The following RP1 variants were observed in gnomAD, a reference collection of about 807,000 sequenced individuals.
RP1 encodes oxygen-regulated protein 1.
A neutral mutation model predicts 14.8 loss-of-function variants in RP1; 16 were observed. The observed-to-expected ratio is 1.08, with a 90% CI of 0.73 to 1.65. RP1 has a LOEUF of 1.65. Among genes scored for constraint, RP1 ranks in the 40% most tolerant of loss-of-function variants. RP1 has a pLI of 0.00. For missense variants in RP1, 2,631 were observed against 2,535.0 expected, an observed-to-expected ratio of 1.04 and a Z score of -0.81; for synonymous variants, 876 against 883.6, an observed-to-expected ratio of 0.99 and a Z score of 0.15.
intron 24 of RP1, among the ~76,000 whole-genome samples, chr8:54,824,751 C>T (rs961689918): frequency 3.3e-5 from 5 of 152,086 alleles, no homozygotes; most frequent in Non-Finnish European, 7.4e-5. Flanking sequence ...TACAAGTTTG[C>T]TTAAACATTT....
At chr8:54,798,531 A>C (rs1810627197) in intron 24 of RP1, among the ~76,000 whole-genome samples, 1 of 152,236 alleles carries the variant, frequency 6.6e-6, no homozygotes, top group Non-Finnish European at 1.5e-5. Context: ...CAAAAAATTC[A>C]CAAATTGTGT....
At position 54,629,788 on chromosome 8, in the gene RP1, A is replaced by T. The variant is rs1806198727; in HGVS notation, c.5906A>T (p.Glu1969Val). 6.2e-7 allele frequency: 1 copy of T among 1,611,158 alleles called. No individual in the cohort carries two copies. ...CAGACAGACAAAAATGTGTTCAGGG[A>T]AGAGAACAATAAAGCAAGTATGAGA... is the stretch of plus-strand genomic sequence containing the variant. Reference protein sequence around the residue: ...LLQTDKNVFREENNKASMRQN... With the variant: ...LLQTDKNVFRVENNKASMRQN... The change falls in exon 4 of 4, where the codon GAA becomes GTA. Residue 1969 changes from glutamate to valine, a missense_variant. By Grantham distance (121) the Glu-to-Val change is moderately radical. Coordinates refer to ENST00000220676, the MANE Select transcript of RP1 (RefSeq NM_006269.2).
chr8:54,633,728 TC>T (rs1806293468), downstream of RP1, among the ~76,000 whole-genome samples: 1 of 136,794 alleles, frequency 7.3e-6, no homozygotes, highest in Non-Finnish European at 1.5e-5. Context: ...TCTCTCTCTC[TC>T]TCTCTCTCTA....
At chr8:54,780,052 A>G (rs1260422475) in intron 23 of RP1, among the ~76,000 whole-genome samples, 5 of 152,164 alleles carry the variant, frequency 3.3e-5, no homozygotes, top group African/African-American at 2.4e-5. Flanking sequence ...TAGTGCTGCA[A>G]TTGCAGACAT....
chr8:54,776,694 G>A (rs757117861), intron 23 of RP1, among the ~76,000 whole-genome samples: 4 of 152,166 alleles, frequency 2.6e-5, no homozygotes, highest in Admixed American at 6.5e-5. Flanking sequence ...ACACTGGAAG[G>A]GAATTTGGGA....
intron 1 of RP1, among the ~76,000 whole-genome samples, chr8:54,591,318 T>A (rs1027758153): frequency 2.0e-5 from 3 of 152,192 alleles, no homozygotes; most frequent in Non-Finnish European, 2.9e-5. Flanking sequence ...CTTGTTACTG[T>A]TTTTCAGCCA....
chr8:54,583,335 T>C (rs1208907493), intron 1 of RP1, among the ~76,000 whole-genome samples: 2 of 152,224 alleles, frequency 1.3e-5, no homozygotes, highest in Non-Finnish European at 2.9e-5. Flanking sequence ...CACCCTTGCA[T>C]CCCAGGGATG....
At chr8:54,868,338 T>C (rs889704074) in intron 28 of RP1, among the ~76,000 whole-genome samples, 24 of 152,208 alleles carry the variant, frequency 1.6e-4, no homozygotes, top group Admixed American at 1.4e-3. Flanking sequence ...TGCACACTGG[T>C]GTATCATTGC....
At chr8:54,727,964 G>C (rs1690388190) in intron 17 of RP1, among the ~76,000 whole-genome samples, 1 of 152,124 alleles carries the variant, frequency 6.6e-6, no homozygotes, top group South Asian at 2.1e-4. Flanking sequence ...GCCAAAGACT[G>C]AGAAAATGGA....
chr8:54,626,697 A>G lies in RP1; in HGVS notation c.2815A>G (p.Arg939Gly), dbSNP rs768149179. 3 of 1,613,898 alleles carry G rather than the reference A, an allele frequency of 1.9e-6. No individual in the cohort carries two copies. Among genetic ancestry groups the G allele is most frequent in the African/African-American group, 2.7e-5 (2 of 74,942 alleles). Reference sequence around the variant, plus strand: ...GCCTATAAAATCAGCTCCAGTATGTAGAAATGAAACGAGTGTGGTAAATTG... The same window carrying G: ...GCCTATAAAATCAGCTCCAGTATGTGGAAATGAAACGAGTGTGGTAAATTG... ...LKPIKSAPVCRNETSVVNCSN... is the reference protein window; with the variant it reads ...LKPIKSAPVCGNETSVVNCSN... The change falls in exon 4 of 4, where the codon AGA (arginine) becomes GGA (glycine). Residue 939 changes from arginine (R) to glycine (G), a missense_variant. Arg to Gly is a moderately radical substitution (Grantham distance 125, BLOSUM62 -2). Transcript: ENST00000220676.
Position 54,719,377 on chromosome 8 carries a change from T to A in RP1, c.2212-752T>A, listed in dbSNP as rs527600241. Among the ~76,000 whole-genome samples the A allele has an allele frequency of 1.3e-5, 2 of 152,330 alleles. 1 individual carries two copies. Among genetic ancestry groups the A allele is most frequent in the South Asian group, 4.1e-4 (2 of 4,828 alleles). On this transcript the variant is annotated intron_variant, in intron 15 of 22. Transcript: ENST00000636932. Reference sequence around the variant, plus strand: ...AAAGAGAGAGAGACTCCCTTGGTTCTTACTGAAAGAAGCTCACATTTGAGG... The same window carrying A: ...AAAGAGAGAGAGACTCCCTTGGTTCATACTGAAAGAAGCTCACATTTGAGG...
At chr8:54,822,815 A>G (rs754258356) in intron 24 of RP1, among the ~76,000 whole-genome samples, 1 of 152,204 alleles carries the variant, frequency 6.6e-6, no homozygotes, top group Admixed American at 6.5e-5. Flanking sequence ...TTAGCCAAAT[A>G]CCTAGAGGAG....
chr8:54,662,553 T>TAG (rs1304319436), intron 6 of RP1, among the ~76,000 whole-genome samples: 7 of 152,084 alleles, frequency 4.6e-5, no homozygotes, highest in Non-Finnish European at 8.8e-5. Context: ...TGTAAGAAAA[T>TAG]AGAGAAATGC....
intron 6 of RP1, among the ~76,000 whole-genome samples, chr8:54,656,747 GACTATCCATAAGA>G (rs1806762396): frequency 6.6e-6 from 1 of 150,630 alleles, no homozygotes; most frequent in South Asian, 2.1e-4. Context: ...AATTCAGGGT[GACTATCCATAAGA>G]ACCATTTGCT....
At chr8:54,671,669 T>G (rs1219480902) in intron 7 of RP1, among the ~76,000 whole-genome samples, 1 of 152,164 alleles carries the variant, frequency 6.6e-6, no homozygotes, top group Non-Finnish European at 1.5e-5. Context: ...GTAGAATTTC[T>G]GTTTTGTTCT....
intron 1 of RP1, among the ~76,000 whole-genome samples, chr8:54,572,878 T>A (rs1804553140): frequency 6.6e-6 from 1 of 152,164 alleles, no homozygotes; most frequent in Admixed American, 6.6e-5. Context: ...ATCTTCAAAA[T>A]AACCAATTTT....
At chr8:54,670,549 ATATG>A (rs1320786758) in intron 7 of RP1, among the ~76,000 whole-genome samples, 1 of 115,024 alleles carries the variant, frequency 8.7e-6, no homozygotes, top group Non-Finnish European at 1.8e-5. Flanking sequence ...ATATGTATGT[ATATG>A]TATATATATA....
rs1180236319 is a variant in RP1 at position 54,701,637 on chromosome 8, C to G, written c.1973C>G (p.Ser658Ter). ...TCATCAGCAGGCTATGCAAATCTTTCAAAAGAATTTGTGATTTTTGTCAAG... is the reference window on the plus strand; with the variant it reads ...TCATCAGCAGGCTATGCAAATCTTTGAAAAGAATTTGTGATTTTTGTCAAG... Residue 658 changes from serine to a stop codon, truncating the protein, a stop_gained, in exon 14 of 23, where the codon TCA (serine) becomes TGA (stop). Coordinates refer to the RP1 transcript ENST00000636932. LOFTEE classifies it high-confidence loss of function. 6.5e-7 allele frequency: 1 copy of G among 1,534,494 alleles called. No homozygotes were observed. Among genetic ancestry groups the G allele is most frequent in the Non-Finnish European group, 8.7e-7 (1 of 1,146,246 alleles).
At chr8:54,716,516 A>T (rs749018133) in intron 15 of RP1, among the ~76,000 whole-genome samples, 2 of 152,144 alleles carry the variant, frequency 1.3e-5, no homozygotes, top group Non-Finnish European at 2.9e-5. Flanking sequence ...GAATGTGGAT[A>T]TACCAATTGT....
Sources: gnomAD v4.1 joint callset for allele counts (sites outside exome capture counted in the v4.1 genomes callset) on GRCh38, gnomAD v4.1.1 for gene constraint, MANE v1.5 for transcripts, NCBI Gene and HGNC (gene_info 2026-07-23, HGNC 2026-07-21) for gene names.